DOCK8: variants seen among roughly 807,000 people sequenced by gnomAD.
DOCK8 encodes the protein dedicator of cytokinesis protein 8.
A neutral mutation model predicts 245.6 loss-of-function variants in DOCK8; 141 were observed. The observed-to-expected ratio is 0.57, with a 90% CI of 0.50 to 0.66. The LOEUF is 0.66. Among genes scored for constraint, DOCK8 ranks in the 30% least tolerant of loss-of-function variants. The probability of loss-of-function intolerance (pLI) is 0.00; values close to 1 mark genes in which losing one functional copy is unlikely to be tolerated. For missense variants in DOCK8, 2,965 were observed against 2,603.4 expected (o/e 1.14, Z -3.02); for synonymous variants, 1,168 against 970.2 (o/e 1.20, Z -3.79).
chr9:295,115 A>G (rs1012998597), intron 4 of DOCK8, among the ~76,000 whole-genome samples: 1 of 152,056 alleles, frequency 6.6e-6, no homozygotes, highest in African/African-American at 2.4e-5. Context: ...AGCTGAGATC[A>G]TGCCATTGTA....
intron 1 of DOCK8, among the ~76,000 whole-genome samples, chr9:218,019 T>C (rs1052952309): frequency 3.3e-5 from 5 of 152,192 alleles, no homozygotes; most frequent in Admixed American, 3.3e-4. Context: ...GGTAGCAGCA[T>C]TGGCAAAGTG....
At chr9:270,598 T>C (rs1042283850) in intron 1 of DOCK8, among the ~76,000 whole-genome samples, 5 of 152,348 alleles carry the variant, frequency 3.3e-5, no homozygotes, top group Admixed American at 2.0e-4. Context: ...TTAATAAGTA[T>C]GCCCTAGCAC....
intron 42 of DOCK8, among the ~76,000 whole-genome samples, chr9:442,656 G>A (rs1167677415): frequency 1.3e-5 from 2 of 151,190 alleles, no homozygotes; most frequent in Non-Finnish European, 2.9e-5. Context: ...CAGGTTATAA[G>A]GGCCAAACAC....
intron 26 of DOCK8, among the ~76,000 whole-genome samples, chr9:401,951 C>T (rs1377326883): frequency 6.6e-6 from 1 of 152,178 alleles, no homozygotes; most frequent in Non-Finnish European, 1.5e-5. Flanking sequence ...GATCTTCTGT[C>T]CCAGGACCCA....
chr9:327,595 C>A (rs2050821278), intron 8 of DOCK8, among the ~76,000 whole-genome samples: 1 of 152,076 alleles, frequency 6.6e-6, no homozygotes, highest in Non-Finnish European at 1.5e-5. Context: ...CAGGGTTTCA[C>A]CATGTTGCCC....
At chr9:286,300 C>T (rs2048820330) in intron 2 of DOCK8, among the ~76,000 whole-genome samples, 161 bp from the exon 3 acceptor site, 1 of 152,176 alleles carries the variant, frequency 6.6e-6, no homozygotes, top group African/African-American at 2.4e-5. Context: ...CATATCACTA[C>T]TTCTGTGTTT....
intron 41 of DOCK8, 66 bp from the exon 42 acceptor site, chr9:441,809 C>G: frequency 1.2e-6 from 2 of 1,602,702 alleles, no homozygotes; most frequent in Non-Finnish European, 1.7e-6. Context: ...GACCCCTGCC[C>G]TTTGCAACTC....
At chr9:384,504 C>G (rs992912992) in intron 22 of DOCK8, among the ~76,000 whole-genome samples, 1 of 152,242 alleles carries the variant, frequency 6.6e-6, no homozygotes, top group Non-Finnish European at 1.5e-5. Context: ...GGCGCCAATA[C>G]TGCCCCGCTG....
intron 23 of DOCK8, among the ~76,000 whole-genome samples, 173 bp from the exon 24 acceptor site, chr9:390,298 G>A (rs1669989528): frequency 6.6e-6 from 1 of 152,160 alleles, no homozygotes; most frequent in South Asian, 2.1e-4. Flanking sequence ...TCCAGTCTCA[G>A]GTGATCTCAG....
At chr9:299,422 C>T (rs1056294293) in intron 4 of DOCK8, among the ~76,000 whole-genome samples, 1 of 152,046 alleles carries the variant, frequency 6.6e-6, no homozygotes, top group Non-Finnish European at 1.5e-5. Flanking sequence ...GCACCATACT[C>T]GGCTAATTTT....
chr9:284,701 A>G (rs2048737599), intron 2 of DOCK8: 1 of 152,270 alleles, frequency 6.6e-6, no homozygotes, highest in South Asian at 2.1e-4. Flanking sequence ...TTAAATGCCC[A>G]TCAATGACAG....
intron 14 of DOCK8, among the ~76,000 whole-genome samples, chr9:346,322 G>C (rs2051884901): frequency 6.6e-6 from 1 of 151,086 alleles, no homozygotes; most frequent in Non-Finnish European, 1.5e-5. Context: ...AGAGACACCA[G>C]CTGCTTTCTG....
chr9:400,237 ACCACCACC>A (rs2054793383), intron 26 of DOCK8, among the ~76,000 whole-genome samples: 1 of 106,136 alleles, frequency 9.4e-6, no homozygotes, highest in African/African-American at 4.3e-5. Context: ...CTCCACCATC[ACCACCACC>A]TCCACCATCA....
intron 1 of DOCK8, among the ~76,000 whole-genome samples, chr9:236,392 A>G (rs187396760): frequency 3.2e-4 from 48 of 152,354 alleles, no homozygotes; most frequent in African/African-American, 1.1e-3. Context: ...TGGCAAATGT[A>G]GTTTTCATTA....
chr9:236,702 G>A (rs377545148), intron 1 of DOCK8, among the ~76,000 whole-genome samples: 2 of 152,116 alleles, frequency 1.3e-5, no homozygotes, highest in Admixed American at 6.5e-5. Flanking sequence ...CTCAGTGAAC[G>A]AAACCAACAA....
In DOCK8 at chr9:404,388, C is replaced by T. The variant is rs1211872646; in HGVS notation, c.3235-530C>T. On this transcript the variant is annotated intron_variant, in intron 26 of 47. Transcript: ENST00000432829. ...TGGGACAAGCTCCTTGAGTTTTTTG[C>T]AGGTACTATGTACTTTGCTAAACAG... is the stretch of plus-strand genomic sequence containing the variant. Among the ~76,000 whole-genome samples, 5 of 152,092 alleles carry T rather than the reference C, an allele frequency of 3.3e-5. No homozygotes were observed. The East Asian group carries it at 9.6e-4, about 29-fold the overall frequency.
At chr9:296,109 C>G (rs1442420655) in intron 4 of DOCK8, among the ~76,000 whole-genome samples, 1 of 152,144 alleles carries the variant, frequency 6.6e-6, no homozygotes, top group Non-Finnish European at 1.5e-5. Flanking sequence ...AATTTGGTGT[C>G]CTTGTTCTAA....
At chr9:422,984 CAAAAAA>C (rs56034723) in intron 33 of DOCK8, among the ~76,000 whole-genome samples, 5 of 102,836 alleles carry the variant, frequency 4.9e-5, no homozygotes, top group African/African-American at 1.2e-4. Context: ...GACTCCATCT[CAAAAAA>C]AAAAAAAAAA....
intron 24 of DOCK8, among the ~76,000 whole-genome samples, chr9:396,581 A>T (rs1586894213): frequency 6.6e-6 from 1 of 152,104 alleles, no homozygotes; most frequent in Non-Finnish European, 1.5e-5. Context: ...AAAAGAGGAC[A>T]CCCTTCCCAC....
Sources: gnomAD v4.1 joint callset for allele counts (sites outside exome capture counted in the v4.1 genomes callset) on GRCh38, gnomAD v4.1.1 for gene constraint, MANE v1.5 for transcripts, NCBI Gene and HGNC (gene_info 2026-07-23, HGNC 2026-07-21) for gene names.